AGAP1: variants seen among roughly 807,000 people sequenced by gnomAD.
AGAP1 encodes arf-GAP with GTPase, ANK repeat and PH domain-containing protein 1.
AGAP1 carries 29 observed loss-of-function variants against 105.3 expected under a neutral mutation model. That is an observed-to-expected ratio of 0.28 (90% CI 0.21 to 0.38). The LOEUF is 0.38. AGAP1 is among the 10% of genes least tolerant of loss of function. The pLI is 1.00. For synonymous variants in AGAP1, 509 were observed against 485.9 expected (o/e 1.05, Z -0.63); for missense variants, 998 against 1,165.1 (o/e 0.86, Z 2.09).
intron 2 of AGAP1, among the ~76,000 whole-genome samples, chr2:235,709,806 G>A (rs1366881105): frequency 6.6e-6 from 1 of 152,182 alleles, no homozygotes; most frequent in African/African-American, 2.4e-5. Flanking sequence ...GTAAAAAGTG[G>A]TCCATCGCAG....
intron 1 of AGAP1, among the ~76,000 whole-genome samples, chr2:235,544,588 C>A (rs912717079): frequency 6.6e-6 from 1 of 152,200 alleles, no homozygotes; most frequent in African/African-American, 2.4e-5. Flanking sequence ...ACGAAGTCAT[C>A]CAGGTGTCAT....
intron 1 of AGAP1, among the ~76,000 whole-genome samples, chr2:235,591,880 C>T (rs1436829832): frequency 3.5e-5 from 5 of 142,230 alleles, no homozygotes; most frequent in Non-Finnish European, 6.1e-5. Flanking sequence ...CTCTCTTGCT[C>T]CTCTCTTGCC....
Position 236,121,028 on chromosome 2 carries a change from C to T in AGAP1, c.2370+581C>T, listed in dbSNP as rs1176665441. On this transcript the variant is annotated intron_variant, in intron 17 of 17. Transcript: ENST00000304032. The surrounding 1 kb of genome is among the most constrained non-coding windows in gnomAD (Gnocchi z 4.9). Reference sequence around the variant, plus strand: ...CCCAGGAGCTACGTCTGAGAAGCCACGCCCACTTAGGGGCTGCCTGTGGAC... The same window carrying T: ...CCCAGGAGCTACGTCTGAGAAGCCATGCCCACTTAGGGGCTGCCTGTGGAC... Among the ~76,000 whole-genome samples, 1 of 152,242 alleles carries T rather than the reference C, an allele frequency of 6.6e-6. No homozygotes were observed. Among genetic ancestry groups the T allele is most frequent in the Non-Finnish European group, 1.5e-5 (1 of 68,052 alleles).
intron 6 of AGAP1, chr2:235,773,794 T>A (rs1264398639): frequency 2.6e-6 from 1 of 379,726 alleles, no homozygotes. Flanking sequence ...GTTTATCTTC[T>A]AATTAGTTGA....
rs1008068350 is a variant in AGAP1, at chr2:235,566,574, G to A, written c.163+71725G>A. The A allele has an allele frequency of 1.0e-6, 1 of 985,254 alleles. No homozygotes were observed. Among genetic ancestry groups the A allele is most frequent in the Non-Finnish European group, 1.2e-6 (1 of 829,880 alleles). The allele number at this position is 985,254 out of a possible 1,614,324, so 61.0% of individuals were successfully genotyped here. On this transcript the variant is annotated intron_variant, in intron 1 of 17. Coordinates refer to ENST00000304032, the MANE Select transcript of AGAP1 (RefSeq NM_001037131.3). The surrounding 1 kb of genome is among the most constrained non-coding windows in gnomAD (Gnocchi z 5.2). ...CTTTATTTTATGGAACAGAGGACTA[G>A]ATGACCAGTGCTGTGAGTGGGCAGG...
rs1022667851 is a variant in AGAP1, at chr2:236,126,636, A to G, written c.*2514A>G. On this transcript the variant is annotated 3_prime_UTR_variant, in exon 18 of 18. Transcript: ENST00000304032. The stretch of plus-strand genomic sequence containing the variant: ...TTCCTGGCCCCCAGCACAAGCTGCC[A>G]TGACTCCCCCTCAGAAAACACAGCC... The G allele has an allele frequency of 4.6e-5, 7 of 152,112 alleles. No individual in the cohort carries two copies. The highest frequency in any genetic ancestry group is 3.9e-4 in the Admixed American group (6 of 15,274). 9.4% of individuals were successfully genotyped at this position (152,112 alleles called of 1,614,324 possible).
intron 6 of AGAP1, among the ~76,000 whole-genome samples, chr2:235,772,189 A>G (rs1955514079): frequency 7.0e-6 from 1 of 143,078 alleles, no homozygotes; most frequent in African/African-American, 3.0e-5. Flanking sequence ...TAGTAGAGAC[A>G]GGGATGTCGG....
At position 235,875,077 on chromosome 2, in the gene AGAP1, T is replaced by G. The variant is rs1332240728; in HGVS notation, c.1051-8268T>G. 1.3e-5 allele frequency among the ~76,000 whole-genome samples: 2 copies of G among 152,070 alleles called. No homozygotes were observed. The highest frequency in any genetic ancestry group is 2.9e-5 in the Non-Finnish European group (2 of 68,016). On this transcript the variant is annotated intron_variant, in intron 9 of 17. Coordinates refer to ENST00000304032, the MANE Select transcript of AGAP1 (RefSeq NM_001037131.3). This position sits in a 1 kb window ranked among gnomAD's most constrained non-coding sequence, Gnocchi z 4.0. The stretch of plus-strand genomic sequence containing the variant: ...GAGGCCAAAGGCAGTATTCCTGGGG[T>G]CCTGGGATGGAGAGAGCCCTGTCAC...
chr2:235,716,928 C>T lies in AGAP1; in HGVS notation c.223-629C>T, dbSNP rs1012140563. Among the ~76,000 whole-genome samples the T allele has an allele frequency of 5.9e-5, 9 of 152,010 alleles. No individual in the cohort carries two copies. The highest frequency in any genetic ancestry group is 1.7e-4 in the African/African-American group (7 of 41,390). On this transcript the variant is annotated intron_variant, in intron 2 of 17. Coordinates refer to ENST00000304032, the MANE Select transcript of AGAP1 (RefSeq NM_001037131.3). The surrounding 1 kb of genome is among the most constrained non-coding windows in gnomAD (Gnocchi z 4.0). ...ATCCAGCACAAACGAGCACCTTTGC[C>T]GTCTCTCCCAGCAGCCCTGGCACTG...
intron 6 of AGAP1, among the ~76,000 whole-genome samples, chr2:235,771,482 T>C (rs2675126): frequency 0.25 from 38,585 of 152,148 alleles, 5,285 homozygotes; most frequent in Admixed American, 0.4. Context: ...CGTGCAAAGA[T>C]GACGGGCGTG....
Position 236,105,380 on chromosome 2 carries a change from G to A in AGAP1, c.2115-14812G>A, listed in dbSNP as rs1001629735. ...AAAGGCTCTGTGAGCTGTGCCTGCT[G>A]TAACAAAATACACAACAGAAAGTAT... On this transcript the variant is annotated intron_variant, in intron 16 of 17. Transcript: ENST00000304032. This position sits in a 1 kb window ranked among gnomAD's most constrained non-coding sequence, Gnocchi z 4.2. Among the ~76,000 whole-genome samples the A allele has an allele frequency of 2.6e-5, 4 of 152,052 alleles. No individual in the cohort carries two copies. Among genetic ancestry groups the A allele is most frequent in the Non-Finnish European group, 2.9e-5 (2 of 68,002 alleles).
rs769338135 is a variant in AGAP1 at position 235,890,952 on chromosome 2, A to AAAAAAAAAAAC, written c.1155+7504_1155+7505insAAAAAAAAACA. ...ACTAAAACTGAGGCTCAAAAAAAAA[A>AAAAAAAAAAAC]ACACCTCAGTTAATTCATCTTTCTT... On this transcript the variant is annotated intron_variant, in intron 10 of 17. Transcript: ENST00000304032. Among the ~76,000 whole-genome samples, 107 of 150,748 alleles carry AAAAAAAAAAAC rather than the reference A, an allele frequency of 7.1e-4. 4 individuals carry two copies. Among genetic ancestry groups the AAAAAAAAAAAC allele is most frequent in the African/African-American group, 2.2e-3 (91 of 40,472 alleles).
At chr2:236,118,891 G>A (rs946977291) in intron 16 of AGAP1, among the ~76,000 whole-genome samples, 3 of 151,704 alleles carry the variant, frequency 2.0e-5, no homozygotes, top group South Asian at 2.1e-4. Flanking sequence ...TATCTGTCAC[G>A]CTCTTTTTTG....
At position 235,712,286 on chromosome 2, in the gene AGAP1, G is replaced by A. The variant is rs1950895803; in HGVS notation, c.222+3049G>A. 6.6e-6 allele frequency among the ~76,000 whole-genome samples: 1 copy of A among 152,226 alleles called. No individual in the cohort carries two copies. Among genetic ancestry groups the A allele is most frequent in the African/African-American group, 2.4e-5 (1 of 41,462 alleles). Reference sequence around the variant, plus strand: ...GCCTGCCTTGGCCTCCCAAAGTGCTGGGATGACAGGCCTGAGCCACTGCGC... The same window carrying A: ...GCCTGCCTTGGCCTCCCAAAGTGCTAGGATGACAGGCCTGAGCCACTGCGC... On this transcript the variant is annotated intron_variant, in intron 2 of 17. Transcript: ENST00000304032. The surrounding 1 kb of genome is among the most constrained non-coding windows in gnomAD (Gnocchi z 6.0).
chr2:235,922,262 A>G (rs2052217871), intron 11 of AGAP1, among the ~76,000 whole-genome samples: 1 of 152,208 alleles, frequency 6.6e-6, no homozygotes, highest in African/African-American at 2.4e-5. Context: ...TGTCAATCAT[A>G]TTCCTGTAAT....
intron 13 of AGAP1, among the ~76,000 whole-genome samples, chr2:235,984,239 C>A (rs573145825): frequency 6.6e-6 from 1 of 152,128 alleles, no homozygotes; most frequent in Non-Finnish European, 1.5e-5. Flanking sequence ...GTACACCATT[C>A]TTTTTAAAGG....
chr2:235,598,327 T>G (rs975246382), intron 1 of AGAP1, among the ~76,000 whole-genome samples: 2 of 152,194 alleles, frequency 1.3e-5, no homozygotes, highest in Non-Finnish European at 2.9e-5. Context: ...TAAATAATTA[T>G]CTTACTTATT....
chr2:236,074,361 T>C lies in AGAP1; in HGVS notation c.2114+25080T>C, dbSNP rs145746038. Among the ~76,000 whole-genome samples, 714 of 152,316 alleles carry C rather than the reference T, an allele frequency of 4.7e-3. 6 individuals are homozygous for C. The highest frequency in any genetic ancestry group is 0.016 in the African/African-American group (683 of 41,570). ...ACTGTAAAAGCTTTAGCCATTTCTT[T>C]GGGACGACTTTGGATCAGCATATAA... On this transcript the variant is annotated intron_variant, in intron 16 of 17. Coordinates refer to ENST00000304032, the MANE Select transcript of AGAP1 (RefSeq NM_001037131.3).
chr2:235,894,632 T>TGTACACACAC (rs1491255637), intron 10 of AGAP1, among the ~76,000 whole-genome samples: 4 of 47,584 alleles, frequency 8.4e-5, no homozygotes, highest in African/African-American at 2.4e-4. Flanking sequence ...CACATGCACA[T>TGTACACACAC]GTACACACAC....
Sources: gnomAD v4.1 joint callset for allele counts (sites outside exome capture counted in the v4.1 genomes callset) on GRCh38, gnomAD v4.1.1 for gene constraint, Gnocchi (gnomAD v3.1) non-coding constraint, MANE v1.5 for transcripts, NCBI Gene and HGNC (gene_info 2026-07-23, HGNC 2026-07-21) for gene names.